The following SYAP1 variants were observed in gnomAD, a reference collection of about 807,000 sequenced individuals.
SYAP1 encodes the protein synapse-associated protein 1.
Under a neutral mutation model 29.6 loss-of-function variants are expected in SYAP1, and 3 were observed. The ratio of observed to expected loss-of-function variants is 0.10; its 90% CI spans 0.05 to 0.26. The LOEUF is 0.26. Ranked by LOEUF, SYAP1 falls within the 10% of genes least tolerant of loss-of-function variation. SYAP1 has a pLI of 1.00. For missense variants in SYAP1, 217 were observed against 264.1 expected (o/e 0.82, Z 1.24); for synonymous variants, 102 against 102.7 (o/e 0.99, Z 0.04).
intron 5 of SYAP1, among the ~76,000 whole-genome samples, chrX:16,744,101 C>T (rs1459953656): frequency 1.8e-5 from 2 of 112,400 alleles, no homozygotes; most frequent in Non-Finnish European, 3.8e-5. Context: ...CACAAACATG[C>T]TGCATCACCC....
chrX:16,725,246 G>A (rs941503471), intron 1 of SYAP1, among the ~76,000 whole-genome samples: 6 of 112,331 alleles, frequency 5.3e-5, no homozygotes, highest in African/African-American at 1.3e-4. Flanking sequence ...TTTCTTTGGC[G>A]CTACTTCGTT....
At chrX:16,749,055 G>A (rs1490345773) in intron 5 of SYAP1, among the ~76,000 whole-genome samples, 1 of 109,446 alleles carries the variant, frequency 9.1e-6, no homozygotes, top group African/African-American at 3.3e-5. Flanking sequence ...GTGCCTGGCC[G>A]TGAATTTTTT....
At chrX:16,752,666 T>C (rs1926762524) in intron 5 of SYAP1, among the ~76,000 whole-genome samples, 1 of 110,445 alleles carries the variant, frequency 9.1e-6, no homozygotes, top group Admixed American at 9.8e-5. Context: ...CACTCACAGG[T>C]TACATTTGGT....
chrX:16,762,856 T>A lies in SYAP1; in HGVS notation c.*2497T>A, dbSNP rs1195423129. 9.0e-6 allele frequency: 1 copy of A among 111,674 alleles called. No homozygotes were observed. The highest frequency in any genetic ancestry group is 3.3e-5 in the African/African-American group (1 of 30,696). 9.2% of individuals were successfully genotyped at this position (111,674 alleles called of 1,213,427 possible). A position where few individuals can be genotyped will look rare whatever the true frequency, so the allele number is the denominator to read the frequency against. Reference sequence around the variant, plus strand: ...CAGTTTGGGAAGCACTGGTCTAATATGCTCTCAGGGAAGCTGAGGTTTCTA... The same window carrying A: ...CAGTTTGGGAAGCACTGGTCTAATAAGCTCTCAGGGAAGCTGAGGTTTCTA... On this transcript the variant is annotated 3_prime_UTR_variant, in exon 9 of 9. Coordinates refer to ENST00000380155, the MANE Select transcript of SYAP1 (RefSeq NM_032796.4).
At chrX:16,749,080 A>C (rs747030551) in intron 5 of SYAP1, among the ~76,000 whole-genome samples, 14 of 108,115 alleles carry the variant, frequency 1.3e-4, no homozygotes, top group Admixed American at 7.0e-4. Context: ...TTTTAAGACA[A>C]GGTATCTCTC....
chrX:16,734,117 G>A (rs1238748698), intron 1 of SYAP1, among the ~76,000 whole-genome samples: 6 of 110,315 alleles, frequency 5.4e-5, no homozygotes, highest in African/African-American at 1.6e-4. Context: ...GGTGGCTCAC[G>A]CCTGTAATCC....
chrX:16,755,789 GA>G (rs1222302876), intron 6 of SYAP1, among the ~76,000 whole-genome samples: 4 of 112,066 alleles, frequency 3.6e-5, no homozygotes, highest in African/African-American at 9.7e-5. Context: ...ATTAAAATAA[GA>G]AACACATTTT....
intron 4 of SYAP1, among the ~76,000 whole-genome samples, chrX:16,742,896 A>G (rs979919284): frequency 1.7e-4 from 18 of 103,581 alleles, no homozygotes; most frequent in Non-Finnish European, 3.9e-5. Flanking sequence ...TATAGCCATG[A>G]GCGACTACAC....
At chrX:16,734,507 C>A (rs769840075) in intron 1 of SYAP1, among the ~76,000 whole-genome samples, 260 of 109,789 alleles carry the variant, frequency 2.4e-3, no homozygotes, top group African/African-American at 7.7e-3. Context: ...GGCATTTTTT[C>A]TTTGAACAGG....
At chrX:16,756,765 TAA>T in intron 7 of SYAP1, 44 bp downstream of exon 7, 1 of 1,102,898 alleles carries the variant, frequency 9.1e-7, no homozygotes, top group Non-Finnish European at 1.3e-6. Context: ...TATCTGGAAA[TAA>T]AGTAACTGTG....
intron 1 of SYAP1, among the ~76,000 whole-genome samples, chrX:16,732,639 A>G (rs1926234668): frequency 8.9e-6 from 1 of 112,214 alleles, no homozygotes; most frequent in East Asian, 2.8e-4. Flanking sequence ...ATGAAGGCCT[A>G]TATTAGTGAG....
chrX:16,733,152 A>T (rs1194764423), intron 1 of SYAP1, among the ~76,000 whole-genome samples: 1 of 111,348 alleles, frequency 9.0e-6, no homozygotes, highest in African/African-American at 3.3e-5. Context: ...AAGAATTTCC[A>T]TGTGATCATA....
intron 1 of SYAP1, among the ~76,000 whole-genome samples, chrX:16,731,452 A>T (rs1926202642): frequency 8.9e-6 from 1 of 111,966 alleles, no homozygotes; most frequent in South Asian, 3.6e-4. Flanking sequence ...CCTCCAAGCT[A>T]TTCTTGTTCA....
rs1424063981 is a variant in SYAP1, at chrX:16,760,347, A to G, written c.1047A>G (p.Gln349=). 2.5e-6 allele frequency: 3 copies of G among 1,192,651 alleles called. No homozygotes were observed. The highest frequency in any genetic ancestry group is 4.8e-5 in the Admixed American group (2 of 42,062). ...ATAAGGAAATAGAGAAAATGCTTCA[A>G]GAGGAAAATTAGCTGTTCCTGAAAT... is the stretch of plus-strand genomic sequence containing the variant. ...NWDKEIEKML[Q]EEN Residue 349 remains glutamine (Q), a synonymous_variant, in exon 9 of 9, where the codon CAA becomes CAG. Coordinates refer to ENST00000380155, the MANE Select transcript of SYAP1 (RefSeq NM_032796.4).
At position 16,743,800 on chromosome X, in the gene SYAP1, G is replaced by A. The variant is rs1249573158; in HGVS notation, c.535G>A (p.Glu179Lys). 3 of 1,210,948 alleles carry A rather than the reference G, an allele frequency of 2.5e-6. No individual in the cohort carries two copies. Among genetic ancestry groups the A allele is most frequent in the South Asian group, 3.5e-5 (2 of 56,954 alleles). The change falls in exon 5 of 9, where the codon GAG becomes AAG. Residue 179 changes from glutamate (E) to lysine (K), a missense_variant. Coordinates refer to ENST00000380155, the MANE Select transcript of SYAP1 (RefSeq NM_032796.4). ...PVALVMLQED[E>K]LLSKMRFALV... ...GGCCCTGGTCATGCTCCAGGAGGAT[G>A]AGCTGCTAAGCAAGATGAGATTTGC...
At chrX:16,723,861 A>G (rs1926022710) in intron 1 of SYAP1, among the ~76,000 whole-genome samples, 2 of 111,540 alleles carry the variant, frequency 1.8e-5, no homozygotes, top group Admixed American at 9.6e-5. Flanking sequence ...AACTTGCTCA[A>G]CTGACCTGAG....
intron 1 of SYAP1, among the ~76,000 whole-genome samples, chrX:16,732,905 A>T (rs1417448800): frequency 8.9e-6 from 1 of 112,345 alleles, no homozygotes; most frequent in Non-Finnish European, 1.9e-5. Flanking sequence ...AGTCTGGCTG[A>T]GAAGACATTC....
intron 8 of SYAP1, 24 bp downstream of exon 8, chrX:16,757,333 C>T: frequency 1.7e-6 from 2 of 1,183,461 alleles, no homozygotes; most frequent in Admixed American, 4.8e-5. Flanking sequence ...CAAATCAAAG[C>T]AAAGAAACTA....
chrX:16,739,579 C>T (rs894496983), intron 3 of SYAP1, among the ~76,000 whole-genome samples: 4 of 104,581 alleles, frequency 3.8e-5, no homozygotes, highest in African/African-American at 1.4e-4. Context: ...CGGGTTCAAG[C>T]AATTCTCCTG....
Sources: gnomAD v4.1 joint callset for allele counts (sites outside exome capture counted in the v4.1 genomes callset) on GRCh38, gnomAD v4.1.1 for gene constraint, MANE v1.5 for transcripts, NCBI Gene and HGNC (gene_info 2026-07-23, HGNC 2026-07-21) for gene names.